Variants in CRYBG1 observed in about 807,000 individuals in gnomAD.
CRYBG1 encodes beta/gamma crystallin domain-containing protein 1.
CRYBG1 carries 139 observed loss-of-function variants against 189.2 expected under a neutral mutation model. That is an observed-to-expected ratio of 0.73 (90% CI 0.64 to 0.85). The LOEUF (loss-of-function observed/expected upper bound fraction) is 0.85. Ranked by LOEUF, CRYBG1 falls within the 40% of genes least tolerant of loss-of-function variation. The probability of loss-of-function intolerance (pLI) is 0.00; values close to 1 mark genes in which losing one functional copy is unlikely to be tolerated. For missense variants in CRYBG1, 2,611 were observed against 2,675.8 expected, an observed-to-expected ratio of 0.98 and a Z score of 0.53; for synonymous variants, 1,023 against 1,017.1, an observed-to-expected ratio of 1.01 and a Z score of -0.11.
At chr6:106,458,914 C>T (rs1771945009) in intron 2 of CRYBG1, among the ~76,000 whole-genome samples, 1 of 152,190 alleles carries the variant, frequency 6.6e-6, no homozygotes, top group Non-Finnish European at 1.5e-5. Flanking sequence ...CCTTTCCGTA[C>T]ACACACAGGT....
chr6:106,512,411 G>A lies in CRYBG1; in HGVS notation c.1294G>A (p.Gly432Ser), dbSNP rs1390841225. 5 of 1,608,708 alleles carry A rather than the reference G, an allele frequency of 3.1e-6. No individual in the cohort carries two copies. The highest frequency in any genetic ancestry group is 1.7e-5 in the Admixed American group (1 of 59,510). Reference sequence around the variant, plus strand: ...GTCGCAGAAATCCACCGACTCCCCCGGCGCGGACGCCGAGCTCCCTGAGAG... The same window carrying A: ...GTCGCAGAAATCCACCGACTCCCCCAGCGCGGACGCCGAGCTCCCTGAGAG... ...RGSQKSTDSP[G>S]ADAELPESAA... is the part of the protein sequence containing the mutation. Residue 432 changes from glycine (G) to serine (S), a missense_variant, in exon 3 of 22, where the codon GGC (glycine) becomes AGC (serine). Physicochemically the swap from Gly to Ser is moderately conservative, Grantham distance 56. Around this residue, in one of 3 missense-constraint regions of CRYBG1, gnomAD observed 985 missense variants for 924.4 expected, o/e 1.07. Transcript: ENST00000633556.
chr6:106,491,080 A>G (rs2114493015), intron 2 of CRYBG1, among the ~76,000 whole-genome samples: 1 of 152,366 alleles, frequency 6.6e-6, no homozygotes, highest in Non-Finnish European at 1.5e-5. Context: ...TTCATTCATT[A>G]TGATAACCAC....
At chr6:106,402,609 A>C (rs62420813) in intron 1 of CRYBG1, among the ~76,000 whole-genome samples, 15,579 of 148,460 alleles carry the variant, frequency 0.1, 868 homozygotes, top group South Asian at 0.14. Context: ...AGAAAGCTGA[A>C]ACTGGATCCC....
chr6:106,363,921 G>T (rs1771929525), intron 1 of CRYBG1, among the ~76,000 whole-genome samples: 1 of 151,786 alleles, frequency 6.6e-6, no homozygotes. Context: ...AAGCATCCTG[G>T]TCATCATCAT....
chr6:106,456,686 C>A (rs1239506047), intron 2 of CRYBG1, among the ~76,000 whole-genome samples: 6 of 152,156 alleles, frequency 3.9e-5, no homozygotes. Context: ...TGTTTCATTT[C>A]TCTTCTAACT....
intron 1 of CRYBG1, among the ~76,000 whole-genome samples, chr6:106,379,421 C>A (rs930989027): frequency 9.2e-5 from 14 of 151,806 alleles, no homozygotes; most frequent in African/African-American, 3.4e-4. Context: ...GCCACCATGC[C>A]TGGCTAATTT....
chr6:106,395,523 A>C (rs1019658714), intron 1 of CRYBG1, among the ~76,000 whole-genome samples: 1 of 151,810 alleles, frequency 6.6e-6, no homozygotes, highest in African/African-American at 2.4e-5. Context: ...TATCTTCTAG[A>C]TATTGCTTTA....
chr6:106,556,725 G>A (rs140887696), intron 17 of CRYBG1, among the ~76,000 whole-genome samples: 44 of 152,282 alleles, frequency 2.9e-4, no homozygotes, highest in Admixed American at 2.4e-3. Context: ...TTAAACACAC[G>A]TAATTGCTCA....
chr6:106,391,968 TGTGC>T (rs56942049), intron 1 of CRYBG1, among the ~76,000 whole-genome samples: 745 of 59,442 alleles, frequency 0.013, 3 homozygotes, highest in African/African-American at 0.048. Context: ...TGTGTGTGTG[TGTGC>T]GTGCGCGTTT....
chr6:106,513,087 T>C (rs1179425125), intron 3 of CRYBG1, 48 bp downstream of exon 3: 1 of 1,560,844 alleles, frequency 6.4e-7, no homozygotes, highest in South Asian at 1.2e-5. Context: ...GCACACGTGC[T>C]GGGGGTCCGC....
chr6:106,441,460 C>G (rs1582764532), intron 1 of CRYBG1, among the ~76,000 whole-genome samples: 2 of 152,208 alleles, frequency 1.3e-5, no homozygotes. Context: ...TTCAGCTTCA[C>G]AGCCATTCTA....
intron 1 of CRYBG1, among the ~76,000 whole-genome samples, chr6:106,428,599 T>C (rs976572495): frequency 6.6e-6 from 1 of 152,228 alleles, no homozygotes; most frequent in African/African-American, 2.4e-5. Flanking sequence ...TGTATGGTCA[T>C]CCTTATTCTA....
intron 2 of CRYBG1, among the ~76,000 whole-genome samples, chr6:106,489,094 T>G (rs975314180): frequency 6.6e-6 from 1 of 152,196 alleles, no homozygotes; most frequent in African/African-American, 2.4e-5. Context: ...TGCAGCTTAC[T>G]TTTTCTCATA....
Position 106,560,807 on chromosome 6 carries a change from G to A in CRYBG1, c.5860G>A (p.Val1954Ile), listed in dbSNP as rs1774694752. Residue 1954 changes from valine to isoleucine, a missense_variant, in exon 19 of 22, where the codon GTT (valine) becomes ATT (isoleucine). Around this residue, in one of 3 missense-constraint regions of CRYBG1, gnomAD observed 1,622 missense variants for 1,735.0 expected, o/e 0.93. Coordinates refer to ENST00000633556, the MANE Select transcript of CRYBG1 (RefSeq NM_001371242.2). ...TGTGGTTATTTTTGTTTTCAGATGGGTTACTTATGAATATGGCAGTTACAG... is the reference window on the plus strand; with the variant it reads ...TGTGGTTATTTTTGTTTTCAGATGGATTACTTATGAATATGGCAGTTACAG... ...RSVQVIGGIW[V>I]TYEYGSYRGR... 6.2e-7 allele frequency: 1 copy of A among 1,607,264 alleles called. No individual in the cohort carries two copies. The highest frequency in any genetic ancestry group is 8.5e-7 in the Non-Finnish European group (1 of 1,177,402).
At chr6:106,459,561 T>TA (rs1554237479) in intron 2 of CRYBG1, among the ~76,000 whole-genome samples, 8 of 149,816 alleles carry the variant, frequency 5.3e-5, no homozygotes, top group African/African-American at 1.9e-4. Flanking sequence ...TTTTTTTTTT[T>TA]ACTAAGAAAT....
At chr6:106,475,193 G>A (rs113811971) in intron 2 of CRYBG1, among the ~76,000 whole-genome samples, 4 of 152,266 alleles carry the variant, frequency 2.6e-5, no homozygotes, top group African/African-American at 9.6e-5. Context: ...GAATATGGGG[G>A]AGGAGAGGGA....
chr6:106,418,144 AG>A (rs1196226607), intron 1 of CRYBG1, among the ~76,000 whole-genome samples: 1 of 152,238 alleles, frequency 6.6e-6, no homozygotes, highest in Non-Finnish European at 1.5e-5. Context: ...TTCTGTGGAG[AG>A]GGGACACAGG....
At chr6:106,507,921 C>A (rs941939854) in intron 2 of CRYBG1, among the ~76,000 whole-genome samples, 1 of 152,132 alleles carries the variant, frequency 6.6e-6, no homozygotes, top group Non-Finnish European at 1.5e-5. Context: ...ACGAGTCTAT[C>A]ATTTGAAATG....
chr6:106,430,022 C>T (rs1771296519), intron 1 of CRYBG1, among the ~76,000 whole-genome samples: 1 of 152,074 alleles, frequency 6.6e-6, no homozygotes, highest in Non-Finnish European at 1.5e-5. Context: ...TGAATATATC[C>T]ATCATTTCTA....
Sources: gnomAD v4.1 joint callset for allele counts (sites outside exome capture counted in the v4.1 genomes callset) on GRCh38, gnomAD v4.1.1 for gene constraint, gnomAD v4.1.1 regional missense constraint, MANE v1.5 for transcripts, NCBI Gene and HGNC (gene_info 2026-07-23, HGNC 2026-07-21) for gene names.